MARCHF7: variants seen among roughly 807,000 people sequenced by gnomAD.
The protein encoded by MARCHF7 is E3 ubiquitin-protein ligase MARCHF7.
In MARCHF7, 20 loss-of-function variants were observed where a neutral mutation model predicts 76.5. The ratio of observed to expected loss-of-function variants is 0.26; its 90% CI spans 0.18 to 0.38. The LOEUF (loss-of-function observed/expected upper bound fraction) is 0.38. Among genes scored for constraint, MARCHF7 ranks in the 10% least tolerant of loss-of-function variants. MARCHF7 has a pLI of 1.00. For synonymous variants in MARCHF7, 295 were observed against 293.0 expected (o/e 1.01, Z -0.07); for missense variants, 797 against 812.9 (o/e 0.98, Z 0.24).
intron 7 of MARCHF7, among the ~76,000 whole-genome samples, chr2:159,749,739 G>GCA (rs72155655): frequency 2.1e-4 from 28 of 131,438 alleles, no homozygotes; most frequent in Non-Finnish European, 4.1e-4. Context: ...GGTTGGGGCG[G>GCA]GGGGGGCGGT....
chr2:159,713,089 G>T (rs1056774105), intron 1 of MARCHF7, among the ~76,000 whole-genome samples: 1 of 152,238 alleles, frequency 6.6e-6, no homozygotes, highest in Non-Finnish European at 1.5e-5. Flanking sequence ...GCCCGGCCTC[G>T]AGTCGAAGTG....
intron 2 of MARCHF7, among the ~76,000 whole-genome samples, chr2:159,715,152 A>G (rs1700890275): frequency 6.6e-6 from 1 of 152,262 alleles, no homozygotes; most frequent in Non-Finnish European, 1.5e-5. Context: ...TTTAACTGTT[A>G]AATAAGTGAA....
chr2:159,764,255 T>TGCGCGTGTGTGTGTGTGTGTGC (rs1707481788), intron 10 of MARCHF7, among the ~76,000 whole-genome samples: 1 of 131,370 alleles, frequency 7.6e-6, no homozygotes, highest in Admixed American at 7.6e-5. Flanking sequence ...TGTGTGTGTG[T>TGCGCGTGTGTGTGTGTGTGTGC]GCGCGCGCCC....
chr2:159,745,734 CT>C (rs1382945475), intron 5 of MARCHF7, 35 bp from the exon 6 acceptor site: 10 of 1,483,290 alleles, frequency 6.7e-6, no homozygotes, highest in Non-Finnish European at 8.3e-6. Context: ...GCCTTGAAAG[CT>C]TTCTCTGAAA....
At chr2:159,713,035 C>T (rs900337088) in intron 1 of MARCHF7, among the ~76,000 whole-genome samples, 25 of 152,216 alleles carry the variant, frequency 1.6e-4, no homozygotes, top group African/African-American at 2.4e-5. Flanking sequence ...CGTGAGCTCG[C>T]CGGTGAGCGC....
chr2:159,733,979 T>G lies in MARCHF7; in HGVS notation c.153+4804T>G, dbSNP rs547516907. On this transcript the variant is annotated intron_variant, in intron 4 of 11. Transcript: ENST00000409175. ...GTTCTCAGCCATTTGTAAGCTGCGC[T>G]TCACCTGCTACTAATCTTGCTGTTA... The G allele has an allele frequency of 3.8e-6, 5 of 1,310,246 alleles. No homozygotes were observed. The Middle Eastern group carries it at 9.9e-4, about 260-fold the overall frequency. The allele number at this position is 1,310,246 out of a possible 1,614,324, so 81.2% of individuals were successfully genotyped here. A position where few individuals can be genotyped will look rare whatever the true frequency, so the allele number is the denominator to read the frequency against.
intron 7 of MARCHF7, among the ~76,000 whole-genome samples, chr2:159,752,143 A>G (rs552908848): frequency 1.3e-5 from 2 of 152,332 alleles, no homozygotes; most frequent in East Asian, 3.9e-4. Flanking sequence ...TTGAAAATAA[A>G]TGATAGGTTA....
At chr2:159,766,401 A>C (rs891942632) in intron 11 of MARCHF7, among the ~76,000 whole-genome samples, 1 of 152,144 alleles carries the variant, frequency 6.6e-6, no homozygotes, top group African/African-American at 2.4e-5. Context: ...GGTTGATTCC[A>C]TTTGTTGGAT....
rs750429273 is a variant in MARCHF7, at chr2:159,748,640, A to G, written c.1350A>G (p.Ala450=). The G allele has an allele frequency of 1.2e-6, 2 of 1,614,240 alleles. No individual in the cohort carries two copies. Among genetic ancestry groups the G allele is most frequent in the South Asian group, 1.1e-5 (1 of 91,090 alleles). ...GAGCTGCTGCCAACAGACCACAAGC[A>G]TCTGCAGCATCAAGCAGTGCCACAA... ...PLGAAANRPQ[A]SAASSSATTG... Residue 450 remains alanine, a synonymous_variant, in exon 7 of 12, where the codon GCA becomes GCG. Transcript: ENST00000409175.
chr2:159,721,888 A>G (rs1168380646), intron 3 of MARCHF7, among the ~76,000 whole-genome samples: 1 of 152,190 alleles, frequency 6.6e-6, no homozygotes, highest in African/African-American at 2.4e-5. Flanking sequence ...GCCCACACCT[A>G]CAAAATCAGC....
chr2:159,758,602 C>T (rs1041424320), intron 8 of MARCHF7, among the ~76,000 whole-genome samples: 2 of 152,120 alleles, frequency 1.3e-5, no homozygotes, highest in Non-Finnish European at 2.9e-5. Flanking sequence ...AAATATTTGT[C>T]CTTTTGTATC....
intron 4 of MARCHF7, among the ~76,000 whole-genome samples, chr2:159,739,556 T>G (rs1205975284): frequency 6.6e-6 from 1 of 152,226 alleles, no homozygotes; most frequent in Non-Finnish European, 1.5e-5. Flanking sequence ...GAAGACAGAC[T>G]TATTCCCTGA....
At chr2:159,730,407 C>T (rs191282329) in intron 4 of MARCHF7, among the ~76,000 whole-genome samples, 19 of 152,130 alleles carry the variant, frequency 1.2e-4, no homozygotes, top group African/African-American at 2.9e-4. Flanking sequence ...TAAAAATGTT[C>T]GTACACAGTA....
chr2:159,716,047 G>A (rs1700998816), intron 3 of MARCHF7, among the ~76,000 whole-genome samples: 1 of 152,048 alleles, frequency 6.6e-6, no homozygotes, highest in African/African-American at 2.4e-5. Context: ...TTTCTCATGG[G>A]ATGTTAAGCT....
rs998500130 is a variant in MARCHF7 at position 159,770,726 on chromosome 2, G to C, written c.*3384G>C. ...GTGTTACAATTGTCTGCAGTATTCA[G>C]CACAGTAACATGCTGTGTAGGTTTG... is the stretch of plus-strand genomic sequence containing the variant. On this transcript the variant is annotated 3_prime_UTR_variant, in exon 12 of 12. Coordinates refer to ENST00000409175, the MANE Select transcript of MARCHF7 (RefSeq NM_001282805.2). 1 of 152,072 alleles carries C rather than the reference G, an allele frequency of 6.6e-6. No individual in the cohort carries two copies. The highest frequency in any genetic ancestry group is 1.5e-5 in the Non-Finnish European group (1 of 67,980). The allele number at this position is 152,072 out of a possible 1,614,324, so 9.4% of individuals were successfully genotyped here.
rs1344760372 is a variant in MARCHF7, at chr2:159,767,645, A to G, written c.*303A>G. The G allele has an allele frequency of 9.9e-6, 2 of 202,824 alleles. No individual in the cohort carries two copies. The highest frequency in any genetic ancestry group is 2.0e-5 in the Non-Finnish European group (2 of 101,532). 12.6% of individuals were successfully genotyped at this position (202,824 alleles called of 1,614,324 possible). ...TTTAAATATCTAAGCAATGCCTATC[A>G]ACCCTTTTTTGTGTTATGATTACTG... On this transcript the variant is annotated 3_prime_UTR_variant, in exon 12 of 12. Coordinates refer to ENST00000409175, the MANE Select transcript of MARCHF7 (RefSeq NM_001282805.2).
intron 6 of MARCHF7, among the ~76,000 whole-genome samples, chr2:159,747,583 A>G (rs888160678): frequency 2.0e-5 from 3 of 152,176 alleles, no homozygotes; most frequent in African/African-American, 7.2e-5. Context: ...TCTTTTTTAT[A>G]TATTTGTAAT....
intron 10 of MARCHF7, among the ~76,000 whole-genome samples, chr2:159,763,200 G>C (rs1469052431): frequency 6.6e-6 from 1 of 152,116 alleles, no homozygotes; most frequent in Admixed American, 6.5e-5. Flanking sequence ...AGTTATTTTA[G>C]AGAAAGAAGT....
chr2:159,748,570 A>G lies in MARCHF7; in HGVS notation c.1280A>G (p.Glu427Gly). ...TCTAGATCTCATATTTTTAGAAGAG[A>G]ATCAAATGAAGTGGTTCACCTTGAA... Reference protein sequence around the residue: ...TSSRSHIFRRESNEVVHLEAQ... With the variant: ...TSSRSHIFRRGSNEVVHLEAQ... The change falls in exon 7 of 12, where the codon GAA becomes GGA. Residue 427 changes from glutamate to glycine, a missense_variant. Glu to Gly is a moderately conservative substitution (Grantham distance 98). Around this residue, in one of 3 missense-constraint regions of MARCHF7, gnomAD observed 643 missense variants for 631.5 expected, o/e 1.02. Transcript: ENST00000409175. 6.2e-7 allele frequency: 1 copy of G among 1,614,208 alleles called. No individual in the cohort carries two copies. The highest frequency in any genetic ancestry group is 8.5e-7 in the Non-Finnish European group (1 of 1,180,024).
Sources: allele counts gnomAD v4.1 joint callset (sites outside exome capture counted in the v4.1 genomes callset), GRCh38; gene constraint gnomAD v4.1.1; regional missense constraint gnomAD v4.1.1; transcripts MANE v1.5; gene names NCBI Gene and HGNC (gene_info 2026-07-23, HGNC 2026-07-21).